Variants in PKIB observed in about 807,000 individuals in gnomAD.
The protein encoded by PKIB is PKI-beta.
Under a neutral mutation model 4.5 loss-of-function variants are expected in PKIB, and 2 were observed. That is an observed-to-expected ratio of 0.44 (90% CI 0.18 to 1.39). The LOEUF (loss-of-function observed/expected upper bound fraction) is 1.39. Ranked by LOEUF, PKIB falls within the 40% of genes most tolerant of loss-of-function variation. PKIB has a pLI of 0.27. For missense variants in PKIB, 94 were observed against 92.6 expected (o/e 1.02, Z -0.06); for synonymous variants, 38 against 36.0 (o/e 1.06, Z -0.20).
chr6:122,661,796 C>T (rs1777001946), intron 2 of PKIB, among the ~76,000 whole-genome samples: 1 of 152,116 alleles, frequency 6.6e-6, no homozygotes, highest in Non-Finnish European at 1.5e-5. Context: ...GAGACTGCAC[C>T]ATTTTACATT....
At chr6:122,567,219 C>T (rs540333291) in intron 2 of PKIB, among the ~76,000 whole-genome samples, 10 of 152,282 alleles carry the variant, frequency 6.6e-5, no homozygotes, top group South Asian at 2.1e-4. Flanking sequence ...CATTTCTCTC[C>T]GAGTGTGTGC....
chr6:122,521,125 C>A (rs1483963495), intron 2 of PKIB, among the ~76,000 whole-genome samples: 1 of 152,186 alleles, frequency 6.6e-6, no homozygotes, highest in Non-Finnish European at 1.5e-5. Context: ...TTTGGTGCAT[C>A]TCATCGATTT....
At chr6:122,554,950 G>A (rs1018254375) in intron 2 of PKIB, among the ~76,000 whole-genome samples, 10 of 152,074 alleles carry the variant, frequency 6.6e-5, no homozygotes, top group African/African-American at 2.4e-4. Flanking sequence ...AATTAAGGGG[G>A]GACAGATAGG....
intron 3 of PKIB, among the ~76,000 whole-genome samples, chr6:122,686,114 C>T (rs976068284): frequency 1.3e-5 from 2 of 152,180 alleles, no homozygotes; most frequent in African/African-American, 4.8e-5. Flanking sequence ...CTGCAGTCAA[C>T]ATGGAAGTGC....
chr6:122,499,527 C>T (rs1240465097), intron 2 of PKIB, among the ~76,000 whole-genome samples: 1 of 152,130 alleles, frequency 6.6e-6, no homozygotes, highest in Non-Finnish European at 1.5e-5. Flanking sequence ...ATGAAAAGAA[C>T]ACTCAACAAA....
At chr6:122,700,259 T>G (rs1351218333) in intron 3 of PKIB, among the ~76,000 whole-genome samples, 2 of 139,674 alleles carry the variant, frequency 1.4e-5, no homozygotes, top group Non-Finnish European at 1.6e-5. Context: ...TTCTTTTTTT[T>G]TTTTTTTTTT....
chr6:122,686,891 A>G (rs538872159), intron 3 of PKIB, among the ~76,000 whole-genome samples: 66 of 152,210 alleles, frequency 4.3e-4, no homozygotes, highest in Admixed American at 1.4e-3. Context: ...GGTACTTTGT[A>G]AATATTTTAT....
chr6:122,476,443 T>C (rs918339316), intron 1 of PKIB, among the ~76,000 whole-genome samples: 2 of 152,110 alleles, frequency 1.3e-5, no homozygotes, highest in South Asian at 4.1e-4. Context: ...TAAGATACAG[T>C]GTCAAATGTA....
chr6:122,680,765 C>G (rs1424844745), intron 3 of PKIB, among the ~76,000 whole-genome samples: 5 of 152,188 alleles, frequency 3.3e-5, no homozygotes, highest in Non-Finnish European at 1.5e-5. Context: ...GCAATTGCCT[C>G]CTAACTCATC....
intron 1 of PKIB, among the ~76,000 whole-genome samples, chr6:122,631,615 A>C (rs1775706404): frequency 6.6e-6 from 1 of 152,194 alleles, no homozygotes; most frequent in Admixed American, 6.5e-5. Flanking sequence ...ATGTCAGAAC[A>C]ACCTGGAGAG....
intron 3 of PKIB, among the ~76,000 whole-genome samples, chr6:122,700,687 C>G (rs1326617480): frequency 5.3e-5 from 8 of 152,210 alleles, no homozygotes; most frequent in Admixed American, 3.9e-4. Context: ...GTTTCTTTCT[C>G]TGCACAAATT....
intron 2 of PKIB, among the ~76,000 whole-genome samples, chr6:122,499,148 G>T (rs1036254506): frequency 2.6e-5 from 4 of 152,112 alleles, no homozygotes; most frequent in African/African-American, 7.2e-5. Flanking sequence ...AAGAAGAGTT[G>T]CTACCAATCC....
At chr6:122,553,580 C>G (rs1378832417) in intron 2 of PKIB, among the ~76,000 whole-genome samples, 1 of 147,816 alleles carries the variant, frequency 6.8e-6, no homozygotes, top group Non-Finnish European at 1.5e-5. Context: ...GGACACAAGC[C>G]ATCCATAGGT....
At chr6:122,633,672 T>A (rs749031372) in intron 2 of PKIB, among the ~76,000 whole-genome samples, 1 of 152,170 alleles carries the variant, frequency 6.6e-6, no homozygotes, top group Non-Finnish European at 1.5e-5. Context: ...ATGGTTCTTA[T>A]AGAGGCAGCT....
chr6:122,662,357 C>T (rs1313940646), intron 2 of PKIB, among the ~76,000 whole-genome samples: 7 of 31,322 alleles, frequency 2.2e-4, no homozygotes, highest in Non-Finnish European at 4.5e-4. Flanking sequence ...TTCTTGTTGT[C>T]CAGGCTGGAG....
chr6:122,599,113 G>A (rs765000374), intron 3 of PKIB, among the ~76,000 whole-genome samples: 2 of 152,118 alleles, frequency 1.3e-5, no homozygotes, highest in Non-Finnish European at 2.9e-5. Context: ...TGGCTTCTGA[G>A]GAGAATCAAC....
At chr6:122,703,926 A>G (rs940696466) in intron 3 of PKIB, among the ~76,000 whole-genome samples, 13 of 115,144 alleles carry the variant, frequency 1.1e-4, no homozygotes, top group African/African-American at 2.8e-4. Context: ...ATGTGTGTAT[A>G]TATATATATA....
chr6:122,536,215 C>T (rs1025027547), intron 2 of PKIB, among the ~76,000 whole-genome samples: 4 of 152,188 alleles, frequency 2.6e-5, no homozygotes, highest in African/African-American at 7.2e-5. Flanking sequence ...GTTAAGATTA[C>T]AGGCGTGAGC....
intron 2 of PKIB, among the ~76,000 whole-genome samples, chr6:122,548,425 T>C (rs1338140030): frequency 6.6e-6 from 1 of 152,148 alleles, no homozygotes; most frequent in African/African-American, 2.4e-5. Context: ...GTTTTCAAAG[T>C]GGTCATCTGA....
Sources: allele counts gnomAD v4.1 joint callset (sites outside exome capture counted in the v4.1 genomes callset), GRCh38; gene constraint gnomAD v4.1.1; transcripts MANE v1.5; gene names NCBI Gene and HGNC (gene_info 2026-07-23, HGNC 2026-07-21).